The following HSPA14 variants were observed in gnomAD, a reference collection of about 807,000 sequenced individuals.
HSPA14 encodes heat shock protein family A (Hsp70) member 14, also known as heat shock 70 kDa protein 14.
Under a neutral mutation model 65.5 loss-of-function variants are expected in HSPA14, and 37 were observed. That is an observed-to-expected ratio of 0.56 (90% CI 0.43 to 0.74). The LOEUF (loss-of-function observed/expected upper bound fraction) is 0.74, where lower values mean the gene tolerates loss of function less well. Among genes scored for constraint, HSPA14 ranks in the 30% least tolerant of loss-of-function variants. The probability of loss-of-function intolerance (pLI) is 0.00; values close to 1 mark genes in which losing one functional copy is unlikely to be tolerated. For missense variants in HSPA14, 564 were observed against 607.6 expected (o/e 0.93, Z 0.75); for synonymous variants, 203 against 214.2 (o/e 0.95, Z 0.46).
intron 3 of HSPA14, chr10:14,843,611 G>A: frequency 6.4e-7 from 1 of 1,550,600 alleles, no homozygotes; most frequent in Non-Finnish European, 8.7e-7. Context: ...CCTCCAAGGT[G>A]GGCAAGGCGA....
intron 3 of HSPA14, chr10:14,843,419 G>A: frequency 6.4e-7 from 1 of 1,550,876 alleles, no homozygotes; most frequent in South Asian, 1.2e-5. Flanking sequence ...AGCCTTTTCA[G>A]AGGTGCAGTT....
chr10:14,839,400 C>T (rs1037973776), intron 1 of HSPA14, among the ~76,000 whole-genome samples: 1 of 151,902 alleles, frequency 6.6e-6, no homozygotes, highest in Non-Finnish European at 1.5e-5. Flanking sequence ...ATGGTGAAAC[C>T]CCGCCTCTAC....
chr10:14,847,809 G>A (rs966607007), intron 3 of HSPA14, among the ~76,000 whole-genome samples: 2 of 152,174 alleles, frequency 1.3e-5, no homozygotes, highest in Non-Finnish European at 2.9e-5. Flanking sequence ...ATGACATTAA[G>A]CCAAGAATCA....
intron 12 of HSPA14, among the ~76,000 whole-genome samples, chr10:14,868,526 C>T (rs113991901): frequency 2.0e-5 from 3 of 151,962 alleles, no homozygotes; most frequent in South Asian, 2.1e-4. Context: ...CACACACACA[C>T]GGACTGCAGA....
At chr10:14,852,344 ATAACT>A (rs773835852) in intron 7 of HSPA14, 21 bp from the exon 8 acceptor site, 4 of 1,595,606 alleles carry the variant, frequency 2.5e-6, no homozygotes, top group Admixed American at 1.7e-5. Flanking sequence ...TTATTCCCTG[ATAACT>A]TACTTTATCT....
rs1833979944 is a variant in HSPA14 at position 14,842,021 on chromosome 10, C to G, written c.221+1864C>G. 1.4e-6 allele frequency: 1 copy of G among 711,114 alleles called. No individual in the cohort carries two copies. The highest frequency in any genetic ancestry group is 2.3e-6 in the Non-Finnish European group (1 of 427,308). The allele number at this position is 711,114 out of a possible 1,614,324, so 44.1% of individuals were successfully genotyped here. A position where few individuals can be genotyped will look rare whatever the true frequency, so the allele number is the denominator to read the frequency against. On this transcript the variant is annotated intron_variant, in intron 3 of 13. Coordinates refer to ENST00000378372, the MANE Select transcript of HSPA14 (RefSeq NM_016299.4). The surrounding 1 kb of genome is among the most constrained non-coding windows in gnomAD (Gnocchi z 5.2). The stretch of plus-strand genomic sequence containing the variant: ...GTGAACTCCCAAAGTTGGGCTATCT[C>G]AGTCTTGGCCTCATGCCTGTTTATG...
chr10:14,845,261 G>C, intron 3 of HSPA14: 1 of 985,140 alleles, frequency 1.0e-6, no homozygotes, highest in Non-Finnish European at 1.2e-6. Flanking sequence ...AATACAAATA[G>C]GAATCTTTAG....
chr10:14,854,138 G>T lies in HSPA14; in HGVS notation c.748G>T (p.Asp250Tyr). 6.2e-7 allele frequency: 1 copy of T among 1,601,504 alleles called. No homozygotes were observed. Among genetic ancestry groups the T allele is most frequent in the Non-Finnish European group, 8.5e-7 (1 of 1,176,644 alleles). ...TTTTTAATTTAGATCCTTCAAACAT[G>T]ATGTGAGAGGAAATGCGCGAGCCAT... is the stretch of plus-strand genomic sequence containing the variant. ...ASEFQRSFKH[D>Y]VRGNARAMMK... is the part of the protein sequence containing the mutation. Residue 250 changes from aspartate to tyrosine, a missense_variant, in exon 9 of 14, where the codon GAT becomes TAT. Physicochemically the swap from Asp to Tyr is radical, Grantham distance 160 (BLOSUM62 -3). Coordinates refer to ENST00000378372, the MANE Select transcript of HSPA14 (RefSeq NM_016299.4).
rs1564323339 is a variant in HSPA14 at position 14,854,270 on chromosome 10, A to C, written c.880A>C (p.Asn294His). ...SLYEGQDFDC[N>H]VSRARFELLC... ...ATATGAAGGTCAAGATTTTGATTGC[A>C]ATGTGTCCAGGTAAAACTGAAGTTC... is the stretch of plus-strand genomic sequence containing the variant. The change falls in exon 9 of 14, where the codon AAT becomes CAT. Residue 294 changes from asparagine (N) to histidine (H), a missense_variant. Coordinates refer to ENST00000378372, the MANE Select transcript of HSPA14 (RefSeq NM_016299.4). 2 of 1,606,518 alleles carry C rather than the reference A, an allele frequency of 1.2e-6. No homozygotes were observed. Among genetic ancestry groups the C allele is most frequent in the Non-Finnish European group, 1.7e-6 (2 of 1,177,946 alleles).
intron 10 of HSPA14, among the ~76,000 whole-genome samples, chr10:14,863,893 T>C (rs922385754): frequency 1.3e-5 from 2 of 152,118 alleles, no homozygotes; most frequent in African/African-American, 2.4e-5. Context: ...AGAATTATTG[T>C]TGTCATGAGA....
At chr10:14,851,372 T>A (rs1189175754) in intron 7 of HSPA14, 49 bp downstream of exon 7, 1 of 1,014,272 alleles carries the variant, frequency 9.9e-7, no homozygotes, top group Non-Finnish European at 1.6e-6. Context: ...AGAAAACATT[T>A]TAGATTATAG....
chr10:14,841,648 A>G (rs2131634856), intron 3 of HSPA14, among the ~76,000 whole-genome samples: 1 of 152,298 alleles, frequency 6.6e-6, no homozygotes, highest in Non-Finnish European at 1.5e-5. Context: ...TGGTTAGAGT[A>G]ATTATGTGGC....
At chr10:14,846,605 C>T in intron 3 of HSPA14, 1 of 962,512 alleles carries the variant, frequency 1.0e-6, no homozygotes, top group Non-Finnish European at 1.2e-6. Context: ...GCTTTTCCAG[C>T]ATTCCATAAC....
At chr10:14,840,216 G>A (rs1833955869) in intron 3 of HSPA14, 59 bp downstream of exon 3, 1 of 877,860 alleles carries the variant, frequency 1.1e-6, no homozygotes, top group Non-Finnish European at 1.6e-6. Context: ...TAAATTCTAA[G>A]CATAATGTGA....
rs1269999618 is a variant in HSPA14 at position 14,844,402 on chromosome 10, T to G, written c.222-4207T>G. On this transcript the variant is annotated intron_variant, in intron 3 of 13. Coordinates refer to ENST00000378372, the MANE Select transcript of HSPA14 (RefSeq NM_016299.4). ...TGGATATATACTGTGACTTCATTGC[T>G]TGAATCTTTCCTTTGCTGGTCTAAC... 5 of 994,574 alleles carry G rather than the reference T, an allele frequency of 5.0e-6. No individual in the cohort carries two copies. The East Asian group carries it at 5.6e-4, about 112-fold the overall frequency. The allele number at this position is 994,574 out of a possible 1,614,324, so 61.6% of individuals were successfully genotyped here. A position where few individuals can be genotyped will look rare whatever the true frequency, so the allele number is the denominator to read the frequency against.
At position 14,844,552 on chromosome 10, in the gene HSPA14, T is replaced by C. The variant is rs534342124; in HGVS notation, c.222-4057T>C. ...CATTTCCACTGCTGTGTATCTGACA[T>C]ATCTACTAGTAAGCACTGTTTTGTC... On this transcript the variant is annotated intron_variant, in intron 3 of 13. Transcript: ENST00000378372. The C allele has an allele frequency of 4.1e-6, 4 of 986,192 alleles. No individual in the cohort carries two copies. The East Asian group carries it at 3.4e-4, about 84-fold the overall frequency. The allele number at this position is 986,192 out of a possible 1,614,324, so 61.1% of individuals were successfully genotyped here.
rs1207364404 is a variant in HSPA14 at position 14,867,227 on chromosome 10, G to T, written c.1138G>T (p.Gly380Trp). 7.4e-6 allele frequency: 12 copies of T among 1,613,538 alleles called. No individual in the cohort carries two copies. Among genetic ancestry groups the T allele is most frequent in the Non-Finnish European group, 1.0e-5 (12 of 1,179,702 alleles). The change falls in exon 11 of 14, where the codon GGG becomes TGG. Residue 380 changes from glycine to tryptophan, a missense_variant. By Grantham distance (184) the Gly-to-Trp change is radical. Transcript: ENST00000378372. Reference sequence around the variant, plus strand: ...AGCTATAGAAGCAGGAATTCTTATTGGGAAAGAAAACCTGTTGGTGGAAGA... The same window carrying T: ...AGCTATAGAAGCAGGAATTCTTATTTGGAAAGAAAACCTGTTGGTGGAAGA... ...GAAIEAGILI[G>W]KENLLVEDSL...
chr10:14,856,816 T>C (rs1374965441), intron 10 of HSPA14, among the ~76,000 whole-genome samples: 1 of 152,072 alleles, frequency 6.6e-6, no homozygotes, highest in Non-Finnish European at 1.5e-5. Context: ...CCGTGATTCG[T>C]ACCACTGCAC....
intron 10 of HSPA14, 74 bp from the exon 11 acceptor site, chr10:14,867,009 A>C (rs917541506): frequency 7.0e-6 from 7 of 1,002,592 alleles, no homozygotes; most frequent in Non-Finnish European, 1.5e-6. Context: ...AAGATGACTC[A>C]GTCTATTACA....
Sources: allele counts gnomAD v4.1 joint callset (sites outside exome capture counted in the v4.1 genomes callset), GRCh38; gene constraint gnomAD v4.1.1; non-coding constraint Gnocchi (gnomAD v3.1); transcripts MANE v1.5; gene names NCBI Gene and HGNC (gene_info 2026-07-23, HGNC 2026-07-21).